The following ZNF596 variants were observed in gnomAD, a reference collection of about 807,000 sequenced individuals.
ZNF596 encodes the protein zinc finger protein 596.
ZNF596 carries 45 observed loss-of-function variants against 48.3 expected under a neutral mutation model. The observed-to-expected ratio is 0.93, with a 90% confidence interval of 0.73 to 1.19. ZNF596 has a LOEUF of 1.19. Among genes scored for constraint, ZNF596 ranks in the 50% most tolerant of loss-of-function variants. ZNF596 has a pLI of 0.00. For synonymous variants in ZNF596, 270 were observed against 202.0 expected (o/e 1.34, Z -2.85); for missense variants, 848 against 599.7 (o/e 1.41, Z -4.32).
intron 1 of ZNF596, among the ~76,000 whole-genome samples, chr8:240,049 A>T (rs1057303280): frequency 1.3e-5 from 2 of 152,222 alleles, no homozygotes; most frequent in Admixed American, 6.5e-5. Context: ...TTAGGAAATT[A>T]CAAGGGTTTT....
chr8:236,887 T>C (rs945715393), intron 1 of ZNF596, among the ~76,000 whole-genome samples: 3 of 152,246 alleles, frequency 2.0e-5, no homozygotes, highest in African/African-American at 7.2e-5. Context: ...TATTGTTACA[T>C]TCATGTTCAT....
chr8:236,388 C>T (rs1273709263), intron 1 of ZNF596, among the ~76,000 whole-genome samples: 3 of 152,156 alleles, frequency 2.0e-5, no homozygotes, highest in Admixed American at 1.3e-4. Flanking sequence ...CTCTTTGACT[C>T]CATTTTTGTA....
At chr8:243,695 A>T in intron 3 of ZNF596, 27 bp from the exon 4 acceptor site, 2 of 1,611,120 alleles carry the variant, frequency 1.2e-6, no homozygotes, top group Non-Finnish European at 1.7e-6. Context: ...AGAACTCAAA[A>T]TCCATGTATC....
chr8:242,184 C>T (rs1796878834), intron 2 of ZNF596, among the ~76,000 whole-genome samples: 2 of 152,204 alleles, frequency 1.3e-5, no homozygotes, highest in African/African-American at 2.4e-5. Context: ...TCTTTCAGTA[C>T]TGAAGTCTTA....
intron 1 of ZNF596, among the ~76,000 whole-genome samples, chr8:236,393 T>G (rs964032528): frequency 1.3e-5 from 2 of 152,208 alleles, no homozygotes; most frequent in African/African-American, 4.8e-5. Context: ...TGACTCCATT[T>G]TTGTAGTCCC....
rs11558331 is a variant in ZNF596, at chr8:242,943, G to A, written c.69G>A (p.Leu23=). 3 of 1,610,878 alleles carry A rather than the reference G, an allele frequency of 1.9e-6. No homozygotes were observed. The highest frequency in any genetic ancestry group is 2.7e-5 in the African/African-American group (2 of 74,860). ...IVDFTQEEWA[L]LDTSQRKLFQ... ...ACTTCACTCAAGAAGAGTGGGCCCT[G>A]CTGGACACATCCCAGAGAAAGCTGT... Residue 23 remains leucine, a synonymous_variant, in exon 3 of 6, where the codon CTG becomes CTA. Coordinates refer to ENST00000398612, the MANE Select transcript of ZNF596 (RefSeq NM_001042416.3).
At chr8:244,227 G>C (rs1796967325) in intron 4 of ZNF596, 1 of 220,156 alleles carries the variant, frequency 4.5e-6, no homozygotes, top group Non-Finnish European at 8.8e-6. Context: ...CTGAAATGTA[G>C]GCAAAAACCT....
At chr8:244,160 G>A (rs1027005179) in intron 4 of ZNF596, 3 of 219,680 alleles carry the variant, frequency 1.4e-5, no homozygotes, top group African/African-American at 4.7e-5. Context: ...AGAGTGCTGG[G>A]ATTACAGTCA....
rs977430130 is a variant in ZNF596, at chr8:245,176, C to T, written c.329C>T (p.Pro110Leu). 5 of 1,599,582 alleles carry T rather than the reference C, an allele frequency of 3.1e-6. No individual in the cohort carries two copies. Among genetic ancestry groups the T allele is most frequent in the South Asian group, 1.1e-5 (1 of 88,988 alleles). ...STMRSHTQED[P>L]FLCNDLGEDF... The stretch of plus-strand genomic sequence containing the variant: ...CAGAGATCTCATACTCAAGAGGATC[C>T]TTTTCTATGCAATGACTTAGGAGAA... The change falls in exon 6 of 6, where the codon CCT becomes CTT. Residue 110 changes from proline (P) to leucine (L), a missense_variant. Coordinates refer to ENST00000398612, the MANE Select transcript of ZNF596 (RefSeq NM_001042416.3).
At position 245,156 on chromosome 8, in the gene ZNF596, A is replaced by C; in HGVS notation, c.309A>C (p.Arg103Ser). Reference sequence around the variant, plus strand: ...TTTCATTTCATTCCCAAAACCAGAGATCTCATACTCAAGAGGATCCTTTTC... The same window carrying C: ...TTTCATTTCATTCCCAAAACCAGAGCTCTCATACTCAAGAGGATCCTTTTC... Reference protein sequence around the residue: ...QKGTSTISTMRSHTQEDPFLC... With the variant: ...QKGTSTISTMSSHTQEDPFLC... Residue 103 changes from arginine to serine, a missense_variant and splice_region_variant, in exon 6 of 6, where the codon AGA (arginine) becomes AGC (serine). Transcript: ENST00000398612. 6.4e-7 allele frequency: 1 copy of C among 1,574,448 alleles called. No individual in the cohort carries two copies. Among genetic ancestry groups the C allele is most frequent in the Non-Finnish European group, 8.6e-7 (1 of 1,161,356 alleles).
intron 1 of ZNF596, chr8:233,299 C>A (rs1053866177): frequency 3.1e-6 from 1 of 325,108 alleles, no homozygotes; most frequent in African/African-American, 2.2e-5. Flanking sequence ...GCAGCAGAAG[C>A]CTAATTCCCA....
At position 246,015 on chromosome 8, in the gene ZNF596, C is replaced by T. The variant is rs1239666480; in HGVS notation, c.1168C>T (p.Pro390Ser). The T allele has an allele frequency of 1.2e-6, 2 of 1,613,692 alleles. No individual in the cohort carries two copies. Among genetic ancestry groups the T allele is most frequent in the Non-Finnish European group, 1.7e-6 (2 of 1,179,942 alleles). ...RHERIHTGEK[P>S]YECHVCGKAF... ...TGAGAGAATTCACACTGGAGAGAAACCATATGAGTGCCATGTATGTGGGAA... is the reference window on the plus strand; with the variant it reads ...TGAGAGAATTCACACTGGAGAGAAATCATATGAGTGCCATGTATGTGGGAA... The change falls in exon 6 of 6, where the codon CCA (proline) becomes TCA (serine). Residue 390 changes from proline to serine, a missense_variant. Physicochemically the swap from Pro to Ser is moderately conservative, Grantham distance 74. Coordinates refer to ENST00000398612, the MANE Select transcript of ZNF596 (RefSeq NM_001042416.3).
chr8:245,209 C>G lies in ZNF596; in HGVS notation c.362C>G (p.Thr121Ser), dbSNP rs200154551. 353 of 1,611,072 alleles carry G rather than the reference C, an allele frequency of 2.2e-4. No individual in the cohort carries two copies. Among genetic ancestry groups the G allele is most frequent in the Admixed American group, 7.2e-4 (43 of 59,784 alleles). The change falls in exon 6 of 6, where the codon ACT becomes AGT. Residue 121 changes from threonine to serine, a missense_variant. Thr to Ser is a moderately conservative substitution (Grantham distance 58). Coordinates refer to ENST00000398612, the MANE Select transcript of ZNF596 (RefSeq NM_001042416.3). Reference sequence around the variant, plus strand: ...TGCAATGACTTAGGAGAAGATTTCACTCAACATATAGCATTGACTCAAAAT... The same window carrying G: ...TGCAATGACTTAGGAGAAGATTTCAGTCAACATATAGCATTGACTCAAAAT... ...FLCNDLGEDF[T>S]QHIALTQNVI... is the part of the protein sequence containing the mutation.
intron 2 of ZNF596, among the ~76,000 whole-genome samples, chr8:241,891 T>C (rs1179073756): frequency 6.6e-6 from 1 of 152,132 alleles, no homozygotes; most frequent in East Asian, 1.9e-4. Context: ...GCAAGCACCT[T>C]CTTCATAAGG....
rs1007735301 is a variant in ZNF596 at position 245,975 on chromosome 8, T to A, written c.1128T>A (p.Ser376=). 6.2e-7 allele frequency: 1 copy of A among 1,614,030 alleles called. No individual in the cohort carries two copies. The highest frequency in any genetic ancestry group is 1.3e-5 in the African/African-American group (1 of 74,904). ...HLCGKAFTES[S]VLKRHERIHT... is the part of the protein sequence containing the mutation. Reference sequence around the variant, plus strand: ...GTGGGAAAGCATTCACTGAATCTTCTGTGCTTAAACGACATGAGAGAATTC... The same window carrying A: ...GTGGGAAAGCATTCACTGAATCTTCAGTGCTTAAACGACATGAGAGAATTC... Residue 376 remains serine (S), a synonymous_variant, in exon 6 of 6, where the codon TCT becomes TCA. Coordinates refer to ENST00000398612, the MANE Select transcript of ZNF596 (RefSeq NM_001042416.3).
chr8:240,368 T>G (rs1796802521), intron 1 of ZNF596: 1 of 162,956 alleles, frequency 6.1e-6, no homozygotes, highest in African/African-American at 2.4e-5. Flanking sequence ...TCAGTACAAG[T>G]GTATCCAGAG....
Position 245,253 on chromosome 8 carries a change from A to G in ZNF596, c.406A>G (p.Thr136Ala). ...TCAAAATGTGATTACCTACATGAGA[A>G]CGAAACACTTTGTAAGCAAAAAGTT... ...LTQNVITYMR[T>A]KHFVSKKFGK... Residue 136 changes from threonine (T) to alanine (A), a missense_variant, in exon 6 of 6, where the codon ACG becomes GCG. Physicochemically the swap from Thr to Ala is moderately conservative, Grantham distance 58 (BLOSUM62 0). Transcript: ENST00000398612. 1 of 1,614,108 alleles carries G rather than the reference A, an allele frequency of 6.2e-7. No homozygotes were observed.
chr8:245,597 A>T lies in ZNF596; in HGVS notation c.750A>T (p.Pro250=). The T allele has an allele frequency of 1.2e-6, 2 of 1,614,120 alleles. No homozygotes were observed. The highest frequency in any genetic ancestry group is 1.7e-6 in the Non-Finnish European group (2 of 1,180,018). The stretch of plus-strand genomic sequence containing the variant: ...AGAGAACTCACACTGGAGAGAAGCC[A>T]TATGGATGTCATCTATGTGGGAAAG... ...KHERTHTGEK[P]YGCHLCGKAF... The change falls in exon 6 of 6, where the codon CCA becomes CCT. Residue 250 remains proline, a synonymous_variant. Transcript: ENST00000398612.
At chr8:238,450 C>CA (rs1796708361) in intron 1 of ZNF596, among the ~76,000 whole-genome samples, 1 of 151,838 alleles carries the variant, frequency 6.6e-6, no homozygotes, top group African/African-American at 2.4e-5. Flanking sequence ...CTTGAAAAAT[C>CA]AAGATGTGAC....
Sources: gnomAD v4.1 joint callset for allele counts (sites outside exome capture counted in the v4.1 genomes callset) on GRCh38, gnomAD v4.1.1 for gene constraint, MANE v1.5 for transcripts, NCBI Gene and HGNC (gene_info 2026-07-23, HGNC 2026-07-21) for gene names.